The following CEP57L1 variants were observed in gnomAD, a reference collection of about 807,000 sequenced individuals.
The protein encoded by CEP57L1 is centrosomal protein CEP57L1.
CEP57L1 carries 37 observed loss-of-function variants against 61.0 expected under a neutral mutation model. The ratio of observed to expected loss-of-function variants is 0.61; its 90% CI spans 0.47 to 0.80. CEP57L1 has a LOEUF of 0.80. Among genes scored for constraint, CEP57L1 ranks in the 30% least tolerant of loss-of-function variants. The pLI is 0.00. For synonymous variants in CEP57L1, 137 were observed against 162.3 expected, an observed-to-expected ratio of 0.84 and a Z score of 1.19; for missense variants, 422 against 524.7, an observed-to-expected ratio of 0.80 and a Z score of 1.91.
rs1774172366 is a variant in CEP57L1 at position 109,167,311 on chromosome 6, A to G, written c.*4341A>G. The stretch of plus-strand genomic sequence containing the variant: ...TTGTTACTTTTGCTGTAGATTGTTT[A>G]CTTAAAGAATTAGGTGAATTTTTTT... On this transcript the variant is annotated 3_prime_UTR_variant, in exon 11 of 11. Transcript: ENST00000517392. Among the ~76,000 whole-genome samples, 1 of 151,090 alleles carries G rather than the reference A, an allele frequency of 6.6e-6. No individual in the cohort carries two copies. Among genetic ancestry groups the G allele is most frequent in the Non-Finnish European group, 1.5e-5 (1 of 67,892 alleles).
At chr6:109,123,365 C>G (rs1773193597) in intron 1 of CEP57L1, among the ~76,000 whole-genome samples, 1 of 152,028 alleles carries the variant, frequency 6.6e-6, no homozygotes, top group South Asian at 2.1e-4. Flanking sequence ...GGTTCAAATC[C>G]CAGCTCAGCC....
At chr6:109,129,404 A>G (rs1000195068) in intron 1 of CEP57L1, 27 of 940,876 alleles carry the variant, frequency 2.9e-5, no homozygotes, top group Admixed American at 2.6e-4. Context: ...CCCTCCCTCA[A>G]TTGTGCTGAG....
At chr6:109,142,945 T>C (rs1473138504) in intron 1 of CEP57L1, among the ~76,000 whole-genome samples, 1 of 34,640 alleles carries the variant, frequency 2.9e-5, no homozygotes, top group Non-Finnish European at 6.4e-5. Context: ...CTGTCTCTCT[T>C]GCTCTCTCTC....
At chr6:109,126,138 A>T (rs1406226358) in intron 1 of CEP57L1, among the ~76,000 whole-genome samples, 2 of 152,186 alleles carry the variant, frequency 1.3e-5, no homozygotes, top group African/African-American at 2.4e-5. Context: ...GAAGATATGT[A>T]TGCCCCTTTG....
chr6:109,095,564 A>G lies in CEP57L1; in HGVS notation c.-15A>G. On this transcript the variant is annotated 5_prime_UTR_variant, in exon 1 of 11. Coordinates refer to ENST00000517392, the MANE Select transcript of CEP57L1 (RefSeq NM_001271852.3). ...TTAGCGGTGGCAGGGGCTGACTGAG[A>G]GCGTCTGCTTGGTAAGCACTGTAAG... 3.0e-6 allele frequency: 3 copies of G among 985,844 alleles called. No homozygotes were observed. The highest frequency in any genetic ancestry group is 3.6e-6 in the Non-Finnish European group (3 of 829,934). 61.1% of individuals were successfully genotyped at this position (985,844 alleles called of 1,614,324 possible).
chr6:109,116,120 A>ATTTTATTT (rs1371123326), intron 1 of CEP57L1, among the ~76,000 whole-genome samples: 24 of 136,296 alleles, frequency 1.8e-4, no homozygotes, highest in African/African-American at 6.0e-4. Flanking sequence ...ATTTTATGTT[A>ATTTTATTT]TGTGTTGTGT....
In CEP57L1 at chr6:109,169,795, T is replaced by A. The variant is rs1774318204; in HGVS notation, c.*6825T>A. 6.6e-6 allele frequency among the ~76,000 whole-genome samples: 1 copy of A among 152,166 alleles called. No homozygotes were observed. The highest frequency in any genetic ancestry group is 2.4e-5 in the African/African-American group (1 of 41,438). On this transcript the variant is annotated 3_prime_UTR_variant, in exon 11 of 11. Coordinates refer to ENST00000517392, the MANE Select transcript of CEP57L1 (RefSeq NM_001271852.3). ...GTCGGAGAAAAACTATCTGCATGTC[T>A]CCAATCTGAAGAGAGCAAAGATCTG...
intron 1 of CEP57L1, among the ~76,000 whole-genome samples, chr6:109,127,923 C>T (rs1380852837): frequency 1.3e-5 from 2 of 151,990 alleles, no homozygotes; most frequent in Admixed American, 6.6e-5. Flanking sequence ...CCACTGCGGC[C>T]GACCAAACCT....
intron 1 of CEP57L1, among the ~76,000 whole-genome samples, chr6:109,136,150 G>A (rs1333875079): frequency 1.3e-5 from 2 of 152,176 alleles, no homozygotes; most frequent in Non-Finnish European, 2.9e-5. Flanking sequence ...CAATAGCAAA[G>A]ACTTAGAACC....
intron 1 of CEP57L1, among the ~76,000 whole-genome samples, chr6:109,127,631 G>GT (rs937212046): frequency 2.8e-5 from 4 of 145,326 alleles, no homozygotes; most frequent in African/African-American, 1.0e-4. Context: ...GTTTTGTTTT[G>GT]TTTTTTTGGA....
rs1375462103 is a variant in CEP57L1, at chr6:109,168,475, C to A, written c.*5505C>A. ...ATTCACTTCCCTTATGAACTTAAGC[C>A]ACTCAATTTCTGCATACTTCAGCCT... On this transcript the variant is annotated 3_prime_UTR_variant, in exon 11 of 11. Transcript: ENST00000517392. Among the ~76,000 whole-genome samples the A allele has an allele frequency of 2.0e-5, 3 of 152,124 alleles. No homozygotes were observed. Among genetic ancestry groups the A allele is most frequent in the Non-Finnish European group, 4.4e-5 (3 of 68,016 alleles).
At chr6:109,132,368 G>A (rs139014027) in intron 1 of CEP57L1, among the ~76,000 whole-genome samples, 3 of 152,130 alleles carry the variant, frequency 2.0e-5, no homozygotes, top group Non-Finnish European at 4.4e-5. Context: ...ACAAAAAATT[G>A]TATGATACTC....
chr6:109,134,229 T>TG (rs1323267278), intron 1 of CEP57L1, among the ~76,000 whole-genome samples: 2 of 152,042 alleles, frequency 1.3e-5, no homozygotes, highest in Non-Finnish European at 2.9e-5. Flanking sequence ...CAAGTGGGCT[T>TG]CATCCCTGGG....
At position 109,166,992 on chromosome 6, in the gene CEP57L1, A is replaced by G. The variant is rs1443593213; in HGVS notation, c.*4022A>G. Among the ~76,000 whole-genome samples the G allele has an allele frequency of 2.6e-5, 4 of 152,236 alleles. No individual in the cohort carries two copies. Among genetic ancestry groups the G allele is most frequent in the African/African-American group, 9.6e-5 (4 of 41,472 alleles). On this transcript the variant is annotated 3_prime_UTR_variant, in exon 11 of 11. Coordinates refer to ENST00000517392, the MANE Select transcript of CEP57L1 (RefSeq NM_001271852.3). The stretch of plus-strand genomic sequence containing the variant: ...ATGACAAGACAACCTTCACTAAGGC[A>G]TAATAGCAACTGTGAGATTTTTAAA...
At chr6:109,131,250 A>G (rs1397774064) in intron 1 of CEP57L1, among the ~76,000 whole-genome samples, 6 of 152,168 alleles carry the variant, frequency 3.9e-5, no homozygotes, top group African/African-American at 1.4e-4. Context: ...TAGTATTCCT[A>G]TAAAGTCATT....
chr6:109,109,039 A>G (rs1490721494), intron 1 of CEP57L1, among the ~76,000 whole-genome samples: 1 of 152,204 alleles, frequency 6.6e-6, no homozygotes, highest in Non-Finnish European at 1.5e-5. Context: ...TAGAAATACA[A>G]ATTTCTAACA....
At chr6:109,142,627 A>G (rs1479082225) in intron 1 of CEP57L1, among the ~76,000 whole-genome samples, 2 of 150,570 alleles carry the variant, frequency 1.3e-5, no homozygotes, top group Admixed American at 6.6e-5. Context: ...TTAAGAAAAA[A>G]AAAAAAGGTA....
Position 109,166,143 on chromosome 6 carries a change from T to C in CEP57L1, c.*3173T>C, listed in dbSNP as rs902660639. Among the ~76,000 whole-genome samples, 2 of 152,098 alleles carry C rather than the reference T, an allele frequency of 1.3e-5. No homozygotes were observed. Among genetic ancestry groups the C allele is most frequent in the African/African-American group, 4.8e-5 (2 of 41,412 alleles). ...CAACCCAGCCATTTTTATTAGGTTG[T>C]AGATAAAGACAGGAGGGTCAGAGGG... On this transcript the variant is annotated 3_prime_UTR_variant, in exon 11 of 11. Transcript: ENST00000517392.
chr6:109,107,867 G>A (rs1010708540), intron 1 of CEP57L1, among the ~76,000 whole-genome samples: 5 of 152,012 alleles, frequency 3.3e-5, no homozygotes, highest in Non-Finnish European at 7.4e-5. Context: ...CTTGAACCTG[G>A]GAGACGCAGG....
Sources: allele counts gnomAD v4.1 joint callset (sites outside exome capture counted in the v4.1 genomes callset), GRCh38; gene constraint gnomAD v4.1.1; transcripts MANE v1.5; gene names NCBI Gene and HGNC (gene_info 2026-07-23, HGNC 2026-07-21).